FARS2: variants seen among roughly 807,000 people sequenced by gnomAD.
The protein encoded by FARS2 is phenylalanine--tRNA ligase, mitochondrial.
A neutral mutation model predicts 46.4 loss-of-function variants in FARS2; 40 were observed. The observed-to-expected ratio is 0.86, with a 90% confidence interval of 0.67 to 1.12. FARS2 has a LOEUF of 1.12. Among genes scored for constraint, FARS2 ranks in the 50% most tolerant of loss-of-function variants. The probability of loss-of-function intolerance (pLI) is 0.00; values close to 1 mark genes in which losing one functional copy is unlikely to be tolerated. For synonymous variants in FARS2, 234 were observed against 214.9 expected (o/e 1.09, Z -0.78); for missense variants, 513 against 567.9 (o/e 0.90, Z 0.98).
intron 5 of FARS2, among the ~76,000 whole-genome samples, chr6:5,571,988 C>G (rs1772681328): frequency 6.6e-6 from 1 of 152,260 alleles, no homozygotes; most frequent in Non-Finnish European, 1.5e-5. Context: ...CCTTTAATTT[C>G]TGCCAGCCTA....
intron 1 of FARS2, among the ~76,000 whole-genome samples, chr6:5,292,984 A>G (rs1054528469): frequency 1.3e-5 from 2 of 152,342 alleles, no homozygotes; most frequent in East Asian, 1.9e-4. Flanking sequence ...GGTGCAACCA[A>G]TGTGCAACCA....
In FARS2 at chr6:5,568,138, C is replaced by G. The variant is rs1184905223; in HGVS notation, c.1065+22798C>G. On this transcript the variant is annotated intron_variant, in intron 5 of 6. Transcript: ENST00000274680. The stretch of plus-strand genomic sequence containing the variant: ...GGTCTGTCTCTGTCCTTCCCCCTTT[C>G]TGTCTGTGTCTCTTGCTGTTTTTCT... Among the ~76,000 whole-genome samples the G allele has an allele frequency of 3.3e-5, 5 of 152,176 alleles. No homozygotes were observed. In the East Asian group the frequency reaches 9.6e-4, roughly 29 times the overall value.
rs1164755849 is a variant in FARS2 at position 5,404,415 on chromosome 6, A to G, written c.613-127A>G. ...TAATTTCATTACGTTTATTGACAGG[A>G]CATAATGAGTCTTATTCCCACATTA... On this transcript the variant is annotated intron_variant, in intron 2 of 6. Coordinates refer to ENST00000274680, the MANE Select transcript of FARS2 (RefSeq NM_006567.5). 5.7e-6 allele frequency: 3 copies of G among 530,956 alleles called. No homozygotes were observed. The East Asian group carries it at 8.9e-5, about 16-fold the overall frequency. The allele number at this position is 530,956 out of a possible 1,614,324, so 32.9% of individuals were successfully genotyped here.
At chr6:5,690,988 A>G (rs1757666617) in intron 6 of FARS2, among the ~76,000 whole-genome samples, 1 of 152,122 alleles carries the variant, frequency 6.6e-6, no homozygotes, top group East Asian at 1.9e-4. Flanking sequence ...ATTTGATCGA[A>G]TCGGCTACCG....
chr6:5,743,746 G>A (rs1331273495), intron 6 of FARS2, among the ~76,000 whole-genome samples: 1 of 152,176 alleles, frequency 6.6e-6, no homozygotes, highest in Admixed American at 6.5e-5. Flanking sequence ...TGGAAGCTTG[G>A]AAAGCATTGT....
intron 4 of FARS2, among the ~76,000 whole-genome samples, chr6:5,494,738 A>G (rs376294571): frequency 4.6e-5 from 7 of 152,246 alleles, no homozygotes; most frequent in African/African-American, 1.7e-4. Context: ...ACAAGTTCAC[A>G]TGTTTGAGGA....
At chr6:5,431,677 A>G (rs760240464) in intron 4 of FARS2, 2 of 533,122 alleles carry the variant, frequency 3.8e-6, no homozygotes, top group Non-Finnish European at 7.7e-6. Flanking sequence ...AGGCGGCGCC[A>G]CCTGACTGAG....
intron 4 of FARS2, chr6:5,452,859 C>T (rs1179733287): frequency 1.3e-5 from 2 of 152,046 alleles, no homozygotes; most frequent in African/African-American, 2.4e-5. Context: ...TGACGGGACC[C>T]AGAGATCAGC....
At chr6:5,639,817 T>G (rs1776721699) in intron 6 of FARS2, among the ~76,000 whole-genome samples, 1 of 152,204 alleles carries the variant, frequency 6.6e-6, no homozygotes, top group African/African-American at 2.4e-5. Flanking sequence ...CTGGGGTCCC[T>G]GTTGCTGCCT....
intron 3 of FARS2, among the ~76,000 whole-genome samples, chr6:5,420,103 G>A (rs777893763): frequency 2.0e-5 from 3 of 152,178 alleles, no homozygotes; most frequent in Non-Finnish European, 4.4e-5. Flanking sequence ...GAGAGCTTGT[G>A]CAGGGAAACT....
chr6:5,318,458 A>G (rs533583457), intron 1 of FARS2, among the ~76,000 whole-genome samples: 3 of 151,166 alleles, frequency 2.0e-5, no homozygotes, highest in African/African-American at 7.3e-5. Context: ...GCTGGAGTCC[A>G]TCTTGTCTTT....
chr6:5,279,959 A>G (rs912292378), intron 1 of FARS2, among the ~76,000 whole-genome samples: 7 of 152,230 alleles, frequency 4.6e-5, no homozygotes, highest in Admixed American at 2.6e-4. Flanking sequence ...TGGGCACCCC[A>G]AGGCCCAGTC....
chr6:5,392,735 TACACACACACACACACACACAC>T (rs10526282), intron 2 of FARS2, among the ~76,000 whole-genome samples: 4 of 142,348 alleles, frequency 2.8e-5, no homozygotes, highest in African/African-American at 7.8e-5. Flanking sequence ...TATATATATA[TACACACACACACACACACACAC>T]ACACACACAC....
chr6:5,586,952 T>A (rs1157617617), intron 5 of FARS2, among the ~76,000 whole-genome samples: 1 of 152,140 alleles, frequency 6.6e-6, no homozygotes, highest in Non-Finnish European at 1.5e-5. Context: ...AGGAATGGGA[T>A]TATCAAAATG....
intron 1 of FARS2, among the ~76,000 whole-genome samples, chr6:5,365,313 C>CTTTATTT (rs1469292273): frequency 1.5e-5 from 1 of 68,136 alleles, no homozygotes; most frequent in African/African-American, 6.2e-5. Context: ...GAGAAGTATA[C>CTTTATTT]TTTCTTTTTT....
At position 5,584,586 on chromosome 6, in the gene FARS2, A is replaced by T. The variant is rs1356575812; in HGVS notation, c.1066-28583A>T. 2.0e-5 allele frequency among the ~76,000 whole-genome samples: 3 copies of T among 151,434 alleles called. No homozygotes were observed. The East Asian group carries it at 5.8e-4, about 29-fold the overall frequency. On this transcript the variant is annotated intron_variant, in intron 5 of 6. Coordinates refer to ENST00000274680, the MANE Select transcript of FARS2 (RefSeq NM_006567.5). ...CCCGTGTGTGCCTGTGCATGTGTGT[A>T]TGTTTATATATTTAAAATGTATTAT...
At chr6:5,447,012 G>T (rs904573110) in intron 4 of FARS2, among the ~76,000 whole-genome samples, 2 of 152,170 alleles carry the variant, frequency 1.3e-5, no homozygotes, top group South Asian at 2.1e-4. Flanking sequence ...GGTCAGTTCC[G>T]GAAGGGCTAC....
chr6:5,386,186 G>A (rs4960086), intron 2 of FARS2, among the ~76,000 whole-genome samples: 24,500 of 151,970 alleles, frequency 0.16, 2,103 homozygotes, highest in Middle Eastern at 0.19. Context: ...AAACATTATA[G>A]TTGTACAGGC....
chr6:5,726,687 T>C (rs549955742), intron 6 of FARS2, among the ~76,000 whole-genome samples: 1 of 152,352 alleles, frequency 6.6e-6, no homozygotes, highest in African/African-American at 2.4e-5. Context: ...GCCATTGTTT[T>C]AGCAGAGATG....
Sources: allele counts gnomAD v4.1 joint callset (sites outside exome capture counted in the v4.1 genomes callset), GRCh38; gene constraint gnomAD v4.1.1; transcripts MANE v1.5; gene names NCBI Gene and HGNC (gene_info 2026-07-23, HGNC 2026-07-21).